The following WDR37 variants were observed in gnomAD, a reference collection of about 807,000 sequenced individuals.
The protein encoded by WDR37 is WD repeat domain 37.
WDR37 carries 19 observed loss-of-function variants against 62.9 expected under a neutral mutation model. The observed-to-expected ratio is 0.30, with a 90% CI of 0.21 to 0.44. The LOEUF is 0.44. Among genes scored for constraint, WDR37 ranks in the 20% least tolerant of loss-of-function variants. The pLI is 1.00. For synonymous variants in WDR37, 250 were observed against 260.9 expected (o/e 0.96, Z 0.40); for missense variants, 474 against 657.6 (o/e 0.72, Z 3.05).
chr10:1,075,318 CAT>C lies in WDR37; in HGVS notation c.139-2588_139-2587del. On this transcript the variant is annotated intron_variant, in intron 2 of 13. Transcript: ENST00000263150. The stretch of plus-strand genomic sequence containing the variant: ...AATTTATACTTTAAGTTCTGGGGTA[CAT>C]GTGCACAACGAGCAGGTTTGTTACG... Among the ~76,000 whole-genome samples, 2 of 145,332 alleles carry C rather than the reference CAT, an allele frequency of 1.4e-5. 1 individual carries two copies. Among genetic ancestry groups the C allele is most frequent in the Admixed American group, 1.4e-4 (2 of 14,292 alleles).
At position 1,096,151 on chromosome 10, in the gene WDR37, C is replaced by T. The variant is rs376121287; in HGVS notation, c.650-19C>T. 3 of 1,613,620 alleles carry T rather than the reference C, an allele frequency of 1.9e-6. No individual in the cohort carries two copies. Among genetic ancestry groups the T allele is most frequent in the African/African-American group, 2.7e-5 (2 of 74,890 alleles). On this transcript the variant is annotated intron_variant, in intron 8 of 13. Transcript: ENST00000263150. The stretch of plus-strand genomic sequence containing the variant: ...CATGGTCTGTGCCTTGGGTAATTTT[C>T]CCCGATTTCTCTCTTCAGCTTCTGG...
At position 1,065,559 on chromosome 10, in the gene WDR37, C is replaced by A. The variant is rs1464943093; in HGVS notation, c.-40-6557C>A. Among the ~76,000 whole-genome samples, 5 of 151,552 alleles carry A rather than the reference C, an allele frequency of 3.3e-5. No individual in the cohort carries two copies. The East Asian group carries it at 5.8e-4, about 18-fold the overall frequency. ...CAAGGTTGGATCAATGTTTGAAAGTCATGAGTGTAATTGGTCCTGTCAGTA... is the reference window on the plus strand; with the variant it reads ...CAAGGTTGGATCAATGTTTGAAAGTAATGAGTGTAATTGGTCCTGTCAGTA... On this transcript the variant is annotated intron_variant, in intron 1 of 13. Transcript: ENST00000263150.
chr10:1,085,500 G>A (rs1834171277), intron 6 of WDR37, among the ~76,000 whole-genome samples: 1 of 152,170 alleles, frequency 6.6e-6, no homozygotes, highest in South Asian at 2.1e-4. Flanking sequence ...TCTAAAAAAA[G>A]ATATTTTATG....
chr10:1,095,425 G>A (rs1834542877), intron 8 of WDR37, among the ~76,000 whole-genome samples: 2 of 152,116 alleles, frequency 1.3e-5, no homozygotes, highest in African/African-American at 4.8e-5. Context: ...GGCATGGAGA[G>A]AGGAGAGTTA....
At chr10:1,088,270 T>C (rs926215833) in intron 7 of WDR37, among the ~76,000 whole-genome samples, 1 of 152,246 alleles carries the variant, frequency 6.6e-6, no homozygotes, top group African/African-American at 2.4e-5. Context: ...TCGAGAACTT[T>C]TCCTTTGCAT....
intron 13 of WDR37, among the ~76,000 whole-genome samples, chr10:1,126,337 C>A (rs12414311): frequency 4.7e-5 from 7 of 149,664 alleles, no homozygotes; most frequent in African/African-American, 1.5e-4. Context: ...ACCCAGGAGG[C>A]GGAGCTTGCA....
chr10:1,069,389 A>ATATATATTT, intron 1 of WDR37, among the ~76,000 whole-genome samples: 43 of 95,774 alleles, frequency 4.5e-4, no homozygotes, highest in African/African-American at 1.8e-3. Flanking sequence ...ATATATATAT[A>ATATATATTT]TTTTTTTTTT....
At chr10:1,122,649 C>CT (rs1835623742) in intron 11 of WDR37, among the ~76,000 whole-genome samples, 1 of 152,248 alleles carries the variant, frequency 6.6e-6, no homozygotes, top group African/African-American at 2.4e-5. Context: ...TTATCACATT[C>CT]TTTTTACTGA....
intron 1 of WDR37, among the ~76,000 whole-genome samples, chr10:1,065,937 A>G (rs1274034588): frequency 6.6e-6 from 1 of 152,206 alleles, no homozygotes; most frequent in African/African-American, 2.4e-5. Flanking sequence ...GAAAATCCCA[A>G]GGAATCCACA....
rs1554735224 is a variant in WDR37, at chr10:1,131,693, T to TGC, written c.*2350_*2351insCG. On this transcript the variant is annotated 3_prime_UTR_variant, in exon 14 of 14. Coordinates refer to ENST00000263150, the MANE Select transcript of WDR37 (RefSeq NM_014023.4). ...GACAAGATCGGGGATGGTGTGTGTGTGTGTGTGTGTGTGTGTGTGCACGTG... is the reference window on the plus strand; with the variant it reads ...GACAAGATCGGGGATGGTGTGTGTGTGCGTGTGTGTGTGTGTGTGTGCACGTG... 2.5e-3 allele frequency: 382 copies of TGC among 150,560 alleles called. 3 individuals are homozygous for TGC. The highest frequency in any genetic ancestry group is 0.013 in the Admixed American group (190 of 15,132). The allele number at this position is 150,560 out of a possible 1,614,324, so 9.3% of individuals were successfully genotyped here.
rs1306829372 is a variant in WDR37 at position 1,121,084 on chromosome 10, C to T, written c.1104-3134C>T. 6.6e-6 allele frequency among the ~76,000 whole-genome samples: 1 copy of T among 152,212 alleles called. No individual in the cohort carries two copies. The highest frequency in any genetic ancestry group is 6.5e-5 in the Admixed American group (1 of 15,288). On this transcript the variant is annotated intron_variant, in intron 11 of 13. Coordinates refer to ENST00000263150, the MANE Select transcript of WDR37 (RefSeq NM_014023.4). This position sits in a 1 kb window ranked among gnomAD's most constrained non-coding sequence, Gnocchi z 4.5. ...GAACCATTTCCAGTGCACGGCCGTG[C>T]GCGCCAGCCTCCCCATGGGACCTGT...
intron 1 of WDR37, among the ~76,000 whole-genome samples, chr10:1,061,167 C>T (rs950178017): frequency 7.2e-5 from 11 of 152,204 alleles, no homozygotes; most frequent in Admixed American, 7.2e-4. Flanking sequence ...TACAGCAATT[C>T]TTTGTAGTAG....
At chr10:1,057,344 C>G (rs1833222415) in intron 1 of WDR37, among the ~76,000 whole-genome samples, 1 of 19,136 alleles carries the variant, frequency 5.2e-5, no homozygotes, top group South Asian at 1.6e-3. Flanking sequence ...CAGAAGGGTT[C>G]GGCCCGGGGT....
At chr10:1,070,454 C>A (rs565597981) in intron 1 of WDR37, among the ~76,000 whole-genome samples, 30 of 152,178 alleles carry the variant, frequency 2.0e-4, no homozygotes, top group Admixed American at 9.8e-4. Context: ...TGTATATACT[C>A]ACATTCATAT....
chr10:1,096,085 G>A, intron 8 of WDR37, 85 bp from the exon 9 acceptor site: 3 of 1,333,106 alleles, frequency 2.3e-6, no homozygotes, highest in Non-Finnish European at 3.2e-6. Flanking sequence ...AGGTCTGACT[G>A]CTGCTGCTTA....
chr10:1,057,384 G>A (rs976471345), intron 1 of WDR37, among the ~76,000 whole-genome samples: 12 of 151,954 alleles, frequency 7.9e-5, no homozygotes, highest in Admixed American at 6.6e-4. Context: ...TTCGGCCTGG[G>A]CATCCCGGGG....
At chr10:1,079,329 C>T (rs1388240689) in intron 3 of WDR37, among the ~76,000 whole-genome samples, 1 of 151,894 alleles carries the variant, frequency 6.6e-6, no homozygotes, top group Non-Finnish European at 1.5e-5. Context: ...AAGTGATCTG[C>T]CTGCCTCGGC....
intron 6 of WDR37, among the ~76,000 whole-genome samples, chr10:1,085,587 G>A (rs1185130054): frequency 7.2e-5 from 11 of 152,270 alleles, no homozygotes; most frequent in South Asian, 2.1e-4. Flanking sequence ...TGAAAATGCC[G>A]TCCCAGCTTG....
intron 11 of WDR37, among the ~76,000 whole-genome samples, chr10:1,106,619 C>T (rs917724684): frequency 7.2e-5 from 11 of 152,110 alleles, no homozygotes; most frequent in Admixed American, 5.9e-4. Context: ...CGGGTTCAAG[C>T]GATTCTCCTG....
Sources: gnomAD v4.1 joint callset for allele counts (sites outside exome capture counted in the v4.1 genomes callset) on GRCh38, gnomAD v4.1.1 for gene constraint, Gnocchi (gnomAD v3.1) non-coding constraint, MANE v1.5 for transcripts, NCBI Gene and HGNC (gene_info 2026-07-23, HGNC 2026-07-21) for gene names.